Variants in CD276 observed in about 807,000 individuals in gnomAD.
CD276 encodes CD276 antigen.
A neutral mutation model predicts 50.0 loss-of-function variants in CD276; 34 were observed. The ratio of observed to expected loss-of-function variants is 0.68; its 90% CI spans 0.52 to 0.91. The LOEUF is 0.91. Ranked by LOEUF, CD276 falls within the 40% of genes least tolerant of loss-of-function variation. The probability of loss-of-function intolerance (pLI) is 0.00; values close to 1 mark genes in which losing one functional copy is unlikely to be tolerated. For missense variants in CD276, 634 were observed against 717.5 expected, an observed-to-expected ratio of 0.88 and a Z score of 1.33; for synonymous variants, 275 against 313.0, an observed-to-expected ratio of 0.88 and a Z score of 1.28.
At chr15:73,694,755 A>C (rs1900116973) in intron 1 of CD276, among the ~76,000 whole-genome samples, 1 of 152,226 alleles carries the variant, frequency 6.6e-6, no homozygotes, top group African/African-American at 2.4e-5. Context: ...ATCAGTGTAC[A>C]CATTGCATGG....
rs750024253 is a variant in CD276, at chr15:73,704,047, T to C, written c.1072+50T>C. On this transcript the variant is annotated intron_variant, in intron 5 of 9. Transcript: ENST00000318443. This position sits in a 1 kb window ranked among gnomAD's most constrained non-coding sequence, Gnocchi z 4.1. ...TCCCCTTGGTTCACCCTCCATTCCC[T>C]CTGCAGCCCACCCTCTGCTGCACCA... 4.4e-6 allele frequency: 7 copies of C among 1,577,702 alleles called. No individual in the cohort carries two copies. Among genetic ancestry groups the C allele is most frequent in the South Asian group, 2.4e-5 (2 of 84,726 alleles).
intron 1 of CD276, among the ~76,000 whole-genome samples, chr15:73,696,411 TC>T (rs1245305556): frequency 2.0e-5 from 3 of 152,134 alleles, no homozygotes; most frequent in Non-Finnish European, 2.9e-5. Flanking sequence ...TCTGTCTCTT[TC>T]TCCTGTCCTC....
intron 2 of CD276, 78 bp downstream of exon 2, chr15:73,699,796 G>C: frequency 6.7e-7 from 1 of 1,484,748 alleles, no homozygotes; most frequent in Non-Finnish European, 9.0e-7. Context: ...ACGCCTGTTA[G>C]GGGTCCTGCC....
At chr15:73,705,948 G>A (rs1191760738) in intron 6 of CD276, among the ~76,000 whole-genome samples, 1 of 152,186 alleles carries the variant, frequency 6.6e-6, no homozygotes, top group African/African-American at 2.4e-5. Context: ...AACATTTAAA[G>A]TGATTTCAAA....
intron 7 of CD276, 90 bp downstream of exon 7, chr15:73,708,563 T>A: frequency 7.1e-7 from 1 of 1,417,358 alleles, no homozygotes; most frequent in East Asian, 2.5e-5. Flanking sequence ...AGTGTCACTT[T>A]CTAGTGACAG....
chr15:73,692,882 T>C (rs2127015), intron 1 of CD276, among the ~76,000 whole-genome samples: 66,861 of 152,132 alleles, frequency 0.44, 15,110 homozygotes, highest in East Asian at 0.49. Flanking sequence ...TTCTTAATCC[T>C]TGACAAAGTC....
chr15:73,702,607 G>A lies in CD276; in HGVS notation c.418+14G>A, dbSNP rs986656916. On this transcript the variant is annotated intron_variant, in intron 3 of 9. Coordinates refer to ENST00000318443, the MANE Select transcript of CD276 (RefSeq NM_001024736.2). ...TGCAGGTGGCCGGTGAGCACCAGGAGGGGGACGCCTTCCCCTTAGTTCACC... is the reference window on the plus strand; with the variant it reads ...TGCAGGTGGCCGGTGAGCACCAGGAAGGGGACGCCTTCCCCTTAGTTCACC... 4.4e-6 allele frequency: 7 copies of A among 1,599,036 alleles called. No individual in the cohort carries two copies. Among genetic ancestry groups the A allele is most frequent in the Middle Eastern group, 1.7e-4 (1 of 5,980 alleles).
At position 73,691,441 on chromosome 15, in the gene CD276, CAAGA is replaced by C. The variant is rs560159576; in HGVS notation, c.-55+6986_-55+6989del. Among the ~76,000 whole-genome samples the C allele has an allele frequency of 2.6e-4, 39 of 152,310 alleles. No homozygotes were observed. In the South Asian group the frequency reaches 5.0e-3, roughly 19 times the overall value. The stretch of plus-strand genomic sequence containing the variant: ...ACCGTATCCTTCTTAGTAATCTCAA[CAAGA>C]AAGAGTCTTTTTTGATGGCTGCAGC... On this transcript the variant is annotated intron_variant, in intron 1 of 9. Coordinates refer to ENST00000318443, the MANE Select transcript of CD276 (RefSeq NM_001024736.2).
At chr15:73,685,772 C>T (rs558589613) in intron 1 of CD276, among the ~76,000 whole-genome samples, 2 of 152,134 alleles carry the variant, frequency 1.3e-5, no homozygotes, top group African/African-American at 4.8e-5. Context: ...GTGTGGGGGA[C>T]TGCAAATAGG....
intron 9 of CD276, among the ~76,000 whole-genome samples, chr15:73,712,573 G>A (rs1900948231): frequency 6.6e-6 from 1 of 152,238 alleles, no homozygotes; most frequent in African/African-American, 2.4e-5. Flanking sequence ...GCTGGACGAG[G>A]GAGTTGGGCC....
At chr15:73,686,452 C>A in intron 1 of CD276, 1 of 197,940 alleles carries the variant, frequency 5.1e-6, no homozygotes. Context: ...TACCTGACAG[C>A]TGGCTTCGGT....
chr15:73,708,997 C>T (rs1900769763), intron 7 of CD276, among the ~76,000 whole-genome samples: 1 of 152,018 alleles, frequency 6.6e-6, no homozygotes, highest in Non-Finnish European at 1.5e-5. Flanking sequence ...GTGAGTTGAC[C>T]CTGGTGGGTA....
chr15:73,686,076 G>A (rs974433933), intron 1 of CD276, among the ~76,000 whole-genome samples: 2 of 152,160 alleles, frequency 1.3e-5, no homozygotes, highest in African/African-American at 4.8e-5. Flanking sequence ...CTTTGGGTCA[G>A]CCCTGTGGAC....
chr15:73,700,857 T>C lies in CD276; in HGVS notation c.79+1139T>C, dbSNP rs147492368. ...CAATCTAACCATTACCGGAGAATGG[T>C]AGTGCCAGGGTGGGGGGGTTCGCTT... is the stretch of plus-strand genomic sequence containing the variant. On this transcript the variant is annotated intron_variant, in intron 2 of 9. Coordinates refer to ENST00000318443, the MANE Select transcript of CD276 (RefSeq NM_001024736.2). Among the ~76,000 whole-genome samples the C allele has an allele frequency of 8.3e-4, 23 of 27,734 alleles. No individual in the cohort carries two copies. In the East Asian group the frequency reaches 0.026, roughly 31 times the overall value. 18.2% of individuals were successfully genotyped at this position (27,734 alleles called of 152,430 possible).
intron 1 of CD276, among the ~76,000 whole-genome samples, chr15:73,696,336 G>C (rs879412884): frequency 6.6e-6 from 1 of 152,126 alleles, no homozygotes; most frequent in Non-Finnish European, 1.5e-5. Flanking sequence ...TCTGGGTCCC[G>C]GGCCGACCAG....
chr15:73,708,379 C>T lies in CD276; in HGVS notation c.1410C>T (p.Thr470=), dbSNP rs374313192. The T allele has an allele frequency of 1.2e-5, 20 of 1,614,002 alleles. No homozygotes were observed. Among genetic ancestry groups the T allele is most frequent in the African/African-American group, 6.7e-5 (5 of 74,888 alleles). ...MTFPPEALWV[T]VGLSVCLIAL... ...TCCCCCCAGAGGCCCTGTGGGTGAC[C>T]GTGGGGCTGTCTGTCTGTCTCATTG... The change falls in exon 7 of 10, where the codon ACC becomes ACT. Residue 470 remains threonine (T), a synonymous_variant. Transcript: ENST00000318443.
At chr15:73,702,732 C>T in intron 3 of CD276, 40 bp from the exon 4 acceptor site, 3 of 1,591,450 alleles carry the variant, frequency 1.9e-6, no homozygotes, top group Non-Finnish European at 2.6e-6. Flanking sequence ...CGTCCTCTGC[C>T]ATTGCCCTGC....
At chr15:73,708,214 C>T (rs1434764254) in intron 6 of CD276, 125 bp from the exon 7 acceptor site, 1 of 1,020,146 alleles carries the variant, frequency 9.8e-7, no homozygotes, top group Non-Finnish European at 1.4e-6. Context: ...CTTAAGTGAG[C>T]TTTATTCATA....
At position 73,690,109 on chromosome 15, in the gene CD276, C is replaced by T. The variant is rs375432169; in HGVS notation, c.-55+5649C>T. On this transcript the variant is annotated intron_variant, in intron 1 of 9. Coordinates refer to ENST00000318443, the MANE Select transcript of CD276 (RefSeq NM_001024736.2). ...CTCTCAGGCATCCAGATCCTTTCCC[C>T]ATATACAAACATCCATCCATCCATA... is the stretch of plus-strand genomic sequence containing the variant. 2.4e-3 allele frequency among the ~76,000 whole-genome samples: 369 copies of T among 152,340 alleles called. 1 individual carries two copies. Among genetic ancestry groups the T allele is most frequent in the South Asian group, 0.011 (53 of 4,826 alleles).
Sources: allele counts gnomAD v4.1 joint callset (sites outside exome capture counted in the v4.1 genomes callset), GRCh38; gene constraint gnomAD v4.1.1; non-coding constraint Gnocchi (gnomAD v3.1); transcripts MANE v1.5; gene names NCBI Gene and HGNC (gene_info 2026-07-23, HGNC 2026-07-21).